CDH18: variants seen among roughly 807,000 people sequenced by gnomAD.
The protein encoded by CDH18 is cadherin-18.
A neutral mutation model predicts 67.9 loss-of-function variants in CDH18; 31 were observed. The observed-to-expected ratio is 0.46, with a 90% CI of 0.34 to 0.62. The LOEUF is 0.62. Ranked by LOEUF, CDH18 falls within the 20% of genes least tolerant of loss-of-function variation. The probability of loss-of-function intolerance (pLI) is 0.01; values close to 1 mark genes in which losing one functional copy is unlikely to be tolerated. For synonymous variants in CDH18, 362 were observed against 347.2 expected (o/e 1.04, Z -0.48); for missense variants, 890 against 975.5 (o/e 0.91, Z 1.17).
chr5:19,508,665 T>C (rs1441957171), intron 10 of CDH18, among the ~76,000 whole-genome samples: 1 of 152,104 alleles, frequency 6.6e-6, no homozygotes, highest in African/African-American at 2.4e-5. Flanking sequence ...AAATATACTT[T>C]CAATTGTCTG....
chr5:20,267,489 A>G (rs1286170527), intron 1 of CDH18, among the ~76,000 whole-genome samples: 1 of 152,016 alleles, frequency 6.6e-6, no homozygotes. Flanking sequence ...TGGCATTTTG[A>G]TAGGGATTGT....
chr5:20,411,082 T>A (rs974532381), intron 1 of CDH18, among the ~76,000 whole-genome samples: 1 of 151,958 alleles, frequency 6.6e-6, no homozygotes, highest in African/African-American at 2.4e-5. Context: ...CCCAATTAAT[T>A]TTTTATAAAA....
chr5:20,494,625 A>G (rs1753802337), intron 1 of CDH18, among the ~76,000 whole-genome samples: 1 of 152,162 alleles, frequency 6.6e-6, no homozygotes, highest in Admixed American at 6.6e-5. Flanking sequence ...AAAGAAGAAC[A>G]TTTTGAAGAA....
At chr5:20,121,001 T>C (rs540084573) in intron 2 of CDH18, among the ~76,000 whole-genome samples, 29 of 152,298 alleles carry the variant, frequency 1.9e-4, no homozygotes, top group African/African-American at 6.7e-4. Context: ...ATAGTTGATA[T>C]ATCACCACAA....
Position 19,630,015 on chromosome 5 carries a change from C to G in CDH18, c.644-17414G>C, listed in dbSNP as rs550672331. Among the ~76,000 whole-genome samples the G allele has an allele frequency of 9.9e-5, 15 of 152,268 alleles. 1 individual carries two copies. The South Asian group carries it at 3.1e-3, about 32-fold the overall frequency. On this transcript the variant is annotated intron_variant, in intron 5 of 12. Coordinates refer to ENST00000382275, the MANE Select transcript of CDH18 (RefSeq NM_004934.5). Reference sequence around the variant, plus strand: ...GCAACAGTGCGATCTTGGCTCACTGCAACCTCCACCTCCCGGGTTCAAGCA... The same window carrying G: ...GCAACAGTGCGATCTTGGCTCACTGGAACCTCCACCTCCCGGGTTCAAGCA...
At chr5:20,540,857 C>T (rs766694562) in intron 1 of CDH18, among the ~76,000 whole-genome samples, 1 of 152,312 alleles carries the variant, frequency 6.6e-6, no homozygotes, top group African/African-American at 2.4e-5. Flanking sequence ...AGACCTTTGT[C>T]AAATGCATAC....
chr5:19,580,571 A>C (rs917594015), intron 7 of CDH18, among the ~76,000 whole-genome samples: 4 of 152,038 alleles, frequency 2.6e-5, no homozygotes, highest in African/African-American at 7.2e-5. Context: ...TTGATGGATA[A>C]AAAATTTAAT....
chr5:20,575,469 G>A (rs771785587), exon 1 of CDH18: 3 of 152,236 alleles, frequency 2.0e-5, no homozygotes, highest in South Asian at 2.1e-4. Context: ...TACCTGGAGC[G>A]TGAAACTGTT....
intron 1 of CDH18, among the ~76,000 whole-genome samples, chr5:20,308,791 G>T (rs57885715): frequency 0.037 from 5,700 of 152,066 alleles, 267 homozygotes; most frequent in African/African-American, 0.11. Context: ...TTTTTAAATG[G>T]CTGTATCTAT....
chr5:20,171,047 T>TA (rs1561847262), intron 2 of CDH18, among the ~76,000 whole-genome samples: 5 of 107,430 alleles, frequency 4.7e-5, no homozygotes, highest in African/African-American at 9.4e-5. Flanking sequence ...TCCTTTTTTT[T>TA]TTATATATAT....
intron 1 of CDH18, among the ~76,000 whole-genome samples, chr5:20,521,808 T>TACACACACACAC (rs111371227): frequency 4.0e-5 from 6 of 149,884 alleles, no homozygotes; most frequent in African/African-American, 1.5e-4. Flanking sequence ...CACACACACA[T>TACACACACACAC]ACACACACAC....
chr5:20,020,829 G>T (rs1738348926), intron 2 of CDH18, among the ~76,000 whole-genome samples: 1 of 152,124 alleles, frequency 6.6e-6, no homozygotes, highest in Non-Finnish European at 1.5e-5. Context: ...AGTTCCCACT[G>T]GAGCACTGCC....
At chr5:20,143,217 G>A (rs1203623086) in intron 2 of CDH18, among the ~76,000 whole-genome samples, 4 of 152,078 alleles carry the variant, frequency 2.6e-5, no homozygotes, top group Non-Finnish European at 4.4e-5. Flanking sequence ...GGATTCCGAT[G>A]AAGTCTCCAA....
chr5:20,247,055 G>A (rs1033620056), intron 2 of CDH18, among the ~76,000 whole-genome samples: 7 of 152,054 alleles, frequency 4.6e-5, no homozygotes, highest in African/African-American at 1.2e-4. Context: ...ATCCACAGGA[G>A]CCATATCAAC....
chr5:19,623,070 C>T (rs1750960458), intron 5 of CDH18, among the ~76,000 whole-genome samples: 1 of 152,194 alleles, frequency 6.6e-6, no homozygotes, highest in Non-Finnish European at 1.5e-5. Context: ...TGCCTCTCTT[C>T]CTCTCACTGT....
At chr5:20,219,888 A>G (rs1741087115) in intron 2 of CDH18, among the ~76,000 whole-genome samples, 1 of 151,930 alleles carries the variant, frequency 6.6e-6, no homozygotes, top group Non-Finnish European at 1.5e-5. Context: ...TAGAGATAAT[A>G]AAATAAAATG....
chr5:20,499,923 G>A (rs892666062), intron 1 of CDH18, among the ~76,000 whole-genome samples: 2 of 152,054 alleles, frequency 1.3e-5, no homozygotes, highest in Admixed American at 6.6e-5. Flanking sequence ...ACTTGAGCAT[G>A]CCTGTTTCCC....
At chr5:20,005,276 C>A (rs1251162336) in intron 2 of CDH18, among the ~76,000 whole-genome samples, 1 of 152,048 alleles carries the variant, frequency 6.6e-6, no homozygotes, top group Admixed American at 6.6e-5. Context: ...CTAATCTGAA[C>A]AGATGCTTGA....
chr5:20,381,373 G>T (rs1262759357), intron 1 of CDH18, among the ~76,000 whole-genome samples: 4 of 152,066 alleles, frequency 2.6e-5, no homozygotes, highest in South Asian at 2.1e-4. Context: ...ATGTGTCCTT[G>T]TTGGGAATGC....
Sources: allele counts gnomAD v4.1 joint callset (sites outside exome capture counted in the v4.1 genomes callset), GRCh38; gene constraint gnomAD v4.1.1; transcripts MANE v1.5; gene names NCBI Gene and HGNC (gene_info 2026-07-23, HGNC 2026-07-21).